HDAC1: variants seen among roughly 807,000 people sequenced by gnomAD.
The protein encoded by HDAC1 is histone deacetylase 1.
In HDAC1, 18 loss-of-function variants were observed where a neutral mutation model predicts 65.5. That is an observed-to-expected ratio of 0.27 (90% CI 0.19 to 0.41). HDAC1 has a LOEUF of 0.41. HDAC1 is among the 10% of genes least tolerant of loss of function. The pLI is 1.00. For synonymous variants in HDAC1, 211 were observed against 227.9 expected (o/e 0.93, Z 0.67); for missense variants, 373 against 625.2 (o/e 0.60, Z 4.30).
chr1:32,332,567 G>A, intron 12 of HDAC1, 134 bp from the exon 13 acceptor site: 1 of 702,886 alleles, frequency 1.4e-6, no homozygotes, highest in South Asian at 1.8e-5. Flanking sequence ...TCACTGGGAG[G>A]ACCAGGGATG....
intron 2 of HDAC1, among the ~76,000 whole-genome samples, chr1:32,310,173 G>A (rs1640971449): frequency 6.6e-6 from 1 of 152,170 alleles, no homozygotes; most frequent in South Asian, 2.1e-4. Context: ...ATTGTCCTCT[G>A]CTCACCAGTG....
Position 32,314,825 on chromosome 1 carries a change from C to G in HDAC1, c.163-1840C>G, listed in dbSNP as rs1174743290. 1.2e-4 allele frequency among the ~76,000 whole-genome samples: 8 copies of G among 64,184 alleles called. No homozygotes were observed. In the Admixed American group the frequency reaches 1.4e-3, roughly 11 times the overall value. The allele number at this position is 64,184 out of a possible 152,430, so 42.1% of individuals were successfully genotyped here. On this transcript the variant is annotated intron_variant, in intron 2 of 13. Transcript: ENST00000373548. ...TGGGCGACAGAGCGAGACTCCGTCT[C>G]AAAAAAAAAAAAAAAAAAGGGATAT...
Position 32,332,139 on chromosome 1 carries a change from T to C in HDAC1, c.1269T>C (p.Ser423=). The change falls in exon 12 of 14, where the codon TCT becomes TCC. Residue 423 remains serine (S), a synonymous_variant. Transcript: ENST00000373548. ...CCTGTGAGGAAGAGTTCTCCGATTCTGAAGAGGAGGGAGAGGGGGGCCGCA... is the reference window on the plus strand; with the variant it reads ...CCTGTGAGGAAGAGTTCTCCGATTCCGAAGAGGAGGGAGAGGGGGGCCGCA... ...RIACEEEFSD[S]EEEGEGGRKN... is the part of the protein sequence containing the mutation. The C allele has an allele frequency of 6.2e-7, 1 of 1,612,752 alleles. No homozygotes were observed. Among genetic ancestry groups the C allele is most frequent in the Non-Finnish European group, 8.5e-7 (1 of 1,179,342 alleles).
At chr1:32,292,399 G>C in intron 1 of HDAC1, 181 bp downstream of exon 1, 1 of 985,316 alleles carries the variant, frequency 1.0e-6, no homozygotes, top group Non-Finnish European at 1.2e-6. Flanking sequence ...GGGAGATCGA[G>C]GCTGAGACCA....
rs1208586054 is a variant in HDAC1 at position 32,327,905 on chromosome 1, C to T, written c.636+228C>T. On this transcript the variant is annotated intron_variant, in intron 6 of 13. Coordinates refer to ENST00000373548, the MANE Select transcript of HDAC1 (RefSeq NM_004964.3). This position sits in a 1 kb window ranked among gnomAD's most constrained non-coding sequence, Gnocchi z 6.0. Reference sequence around the variant, plus strand: ...AAGAGGGGTCTCCTGACTCACTGTACTTTCCTCCTGGCCACAGCTGGGTTG... The same window carrying T: ...AAGAGGGGTCTCCTGACTCACTGTATTTTCCTCCTGGCCACAGCTGGGTTG... 3 of 589,858 alleles carry T rather than the reference C, an allele frequency of 5.1e-6. No homozygotes were observed. The highest frequency in any genetic ancestry group is 1.9e-5 in the African/African-American group (1 of 53,830). 36.5% of individuals were successfully genotyped at this position (589,858 alleles called of 1,614,324 possible).
chr1:32,327,133 C>A lies in HDAC1; in HGVS notation c.494+56C>A. ...AGCACCTTAGGCCAGGTTCCCATTT[C>A]CCTCTTCCCCTGGGCTTGCCTCCCT... On this transcript the variant is annotated intron_variant, in intron 5 of 13. Transcript: ENST00000373548. The surrounding 1 kb of genome is among the most constrained non-coding windows in gnomAD (Gnocchi z 6.0). 6.3e-7 allele frequency: 1 copy of A among 1,582,242 alleles called. No individual in the cohort carries two copies. The highest frequency in any genetic ancestry group is 8.6e-7 in the Non-Finnish European group (1 of 1,156,312).
At chr1:32,326,023 T>C (rs1039211563) in intron 4 of HDAC1, among the ~76,000 whole-genome samples, 2 of 151,832 alleles carry the variant, frequency 1.3e-5, no homozygotes, top group African/African-American at 2.4e-5. Context: ...TGAGACTCCA[T>C]CTCAAAAAAC....
intron 1 of HDAC1, among the ~76,000 whole-genome samples, chr1:32,295,409 AAAAAG>A (rs1272851319): frequency 5.3e-5 from 8 of 152,144 alleles, no homozygotes; most frequent in Non-Finnish European, 2.9e-5. Flanking sequence ...TCAAAAAAAA[AAAAAG>A]AACATAAATG....
In HDAC1 at chr1:32,328,316, C is replaced by CTT. The variant is rs553363907; in HGVS notation, c.636+653_636+654dup. Among the ~76,000 whole-genome samples the CTT allele has an allele frequency of 7.5e-3, 1,067 of 142,828 alleles. 12 individuals carry two copies. The highest frequency in any genetic ancestry group is 0.026 in the African/African-American group (1,013 of 39,162). 93.7% of individuals were successfully genotyped at this position (142,828 alleles called of 152,430 possible). ...AAGCGTTAGAATAAATGAGCATTCA[C>CTT]TTTTTTTTTTTTTTTGAGACAGTCT... On this transcript the variant is annotated intron_variant, in intron 6 of 13. Transcript: ENST00000373548.
In HDAC1 at chr1:32,294,966, G is replaced by T. The variant is rs558875970; in HGVS notation, c.49+2748G>T. ...ACAGGCCTAAGCCACTGTTTTTTTT[G>T]TTGTTGTTGTTTGTTTGTTTAGAAA... On this transcript the variant is annotated intron_variant, in intron 1 of 13. Transcript: ENST00000373548. Among the ~76,000 whole-genome samples, 474 of 151,650 alleles carry T rather than the reference G, an allele frequency of 3.1e-3. 2 individuals carry two copies. Among genetic ancestry groups the T allele is most frequent in the African/African-American group, 0.01 (420 of 41,338 alleles).
intron 2 of HDAC1, among the ~76,000 whole-genome samples, chr1:32,304,010 G>A (rs191486677): frequency 2.2e-4 from 33 of 152,324 alleles, no homozygotes; most frequent in African/African-American, 7.5e-4. Flanking sequence ...AACAAGTGAA[G>A]GGTTTTAAAT....
intron 3 of HDAC1, among the ~76,000 whole-genome samples, chr1:32,319,224 G>T (rs915349486): frequency 1.3e-5 from 2 of 152,150 alleles, no homozygotes; most frequent in African/African-American, 2.4e-5. Flanking sequence ...GGGTAATATA[G>T]TGAGACCTGG....
intron 2 of HDAC1, among the ~76,000 whole-genome samples, chr1:32,313,946 T>G (rs954930060): frequency 6.6e-6 from 1 of 152,162 alleles, no homozygotes; most frequent in African/African-American, 2.4e-5. Context: ...AATGAATGAT[T>G]GAATTCAAAT....
chr1:32,331,900 C>A lies in HDAC1; in HGVS notation c.1219+94C>A. On this transcript the variant is annotated intron_variant, in intron 11 of 13. Coordinates refer to ENST00000373548, the MANE Select transcript of HDAC1 (RefSeq NM_004964.3). The surrounding 1 kb of genome is among the most constrained non-coding windows in gnomAD (Gnocchi z 4.2). ...GGCTGCACACTCCCTCCAAGCTCCC[C>A]ACCTGTAGAGAAATCTGTTTTCGAG... 6.7e-7 allele frequency: 1 copy of A among 1,485,064 alleles called. No homozygotes were observed. The highest frequency in any genetic ancestry group is 1.3e-5 in the South Asian group (1 of 76,654). The allele number at this position is 1,485,064 out of a possible 1,614,324, so 92.0% of individuals were successfully genotyped here. A position where few individuals can be genotyped will look rare whatever the true frequency, so the allele number is the denominator to read the frequency against.
intron 2 of HDAC1, among the ~76,000 whole-genome samples, chr1:32,311,466 C>T (rs1293750573): frequency 2.0e-5 from 3 of 148,816 alleles, no homozygotes; most frequent in Non-Finnish European, 3.0e-5. Flanking sequence ...GACTCTGTCT[C>T]GAAAAAAAAA....
intron 3 of HDAC1, among the ~76,000 whole-genome samples, chr1:32,320,725 C>T (rs187398578): frequency 1.1e-4 from 17 of 151,266 alleles, no homozygotes; most frequent in African/African-American, 3.9e-4. Context: ...CGTGGTGAAA[C>T]CCTGTCTCCA....
chr1:32,295,227 A>G (rs1056784341), intron 1 of HDAC1, among the ~76,000 whole-genome samples: 2 of 152,072 alleles, frequency 1.3e-5, no homozygotes, highest in African/African-American at 4.8e-5. Flanking sequence ...CAGCCTGGGC[A>G]ACTTAGGGAG....
At chr1:32,313,706 A>G (rs1392798500) in intron 2 of HDAC1, among the ~76,000 whole-genome samples, 3 of 152,160 alleles carry the variant, frequency 2.0e-5, no homozygotes, top group Non-Finnish European at 4.4e-5. Context: ...CATGGCCACT[A>G]TCTGTATGGT....
chr1:32,304,841 G>A (rs1640890843), intron 2 of HDAC1, among the ~76,000 whole-genome samples: 1 of 152,126 alleles, frequency 6.6e-6, no homozygotes, highest in South Asian at 2.1e-4. Context: ...TGGGATTACA[G>A]GCATGAGCCA....
Sources: allele counts gnomAD v4.1 joint callset (sites outside exome capture counted in the v4.1 genomes callset), GRCh38; gene constraint gnomAD v4.1.1; non-coding constraint Gnocchi (gnomAD v3.1); transcripts MANE v1.5; gene names NCBI Gene and HGNC (gene_info 2026-07-23, HGNC 2026-07-21).